The following COG2 variants were observed in gnomAD, a reference collection of about 807,000 sequenced individuals.
COG2 encodes the protein conserved oligomeric Golgi complex subunit 2.
COG2 carries 52 observed loss-of-function variants against 90.6 expected under a neutral mutation model. That is an observed-to-expected ratio of 0.57 (90% CI 0.46 to 0.72). COG2 has a LOEUF of 0.72. Ranked by LOEUF, COG2 falls within the 30% of genes least tolerant of loss-of-function variation. The pLI, the probability that COG2 is intolerant of heterozygous loss-of-function variation, is 0.00. For missense variants in COG2, 829 were observed against 891.2 expected, an observed-to-expected ratio of 0.93 and a Z score of 0.89; for synonymous variants, 337 against 320.4, an observed-to-expected ratio of 1.05 and a Z score of -0.55.
chr1:230,664,516 G>A lies in COG2; in HGVS notation c.414G>A (p.Arg138=), dbSNP rs777740281. 3 of 1,569,544 alleles carry A rather than the reference G, an allele frequency of 1.9e-6. No individual in the cohort carries two copies. The South Asian group carries it at 3.5e-5, about 18-fold the overall frequency. ...MCVLRLIQVI[R]SVEKIEKILN... ...TATTGAGGCTTATACAAGTTATTCG[G>A]TCAGTTGAGAAAATTGAAAAAATCT... The change falls in exon 5 of 18, where the codon CGG becomes CGA. Residue 138 remains arginine, a synonymous_variant. Transcript: ENST00000366669.
intron 15 of COG2, among the ~76,000 whole-genome samples, chr1:230,689,126 T>C (rs887763163): frequency 6.6e-6 from 1 of 151,986 alleles, no homozygotes; most frequent in Non-Finnish European, 1.5e-5. Context: ...AACCTAGGAG[T>C]TTGAGACCAG....
At chr1:230,670,721 G>C (rs149586920) in intron 7 of COG2, 1 of 152,052 alleles carries the variant, frequency 6.6e-6, no homozygotes, top group Non-Finnish European at 1.5e-5. Context: ...GGCTCAAGCA[G>C]TCCTCCTACC....
At position 230,665,187 on chromosome 1, in the gene COG2, A is replaced by G. The variant is rs558097430; in HGVS notation, c.485+600A>G. On this transcript the variant is annotated intron_variant, in intron 5 of 17. Transcript: ENST00000366669. Reference sequence around the variant, plus strand: ...ATTATGAACATTAATGGGAAACTCCATGGTGCAGTGGAAAGAGCATGGGCT... The same window carrying G: ...ATTATGAACATTAATGGGAAACTCCGTGGTGCAGTGGAAAGAGCATGGGCT... 5.3e-5 allele frequency among the ~76,000 whole-genome samples: 8 copies of G among 152,332 alleles called. No homozygotes were observed. In the East Asian group the frequency reaches 1.2e-3, roughly 22 times the overall value.
chr1:230,642,800 G>A, intron 1 of COG2, 122 bp downstream of exon 1: 5 of 903,926 alleles, frequency 5.5e-6, no homozygotes, highest in Middle Eastern at 2.4e-4. Context: ...GTCCTCCGCC[G>A]AGACCTCGCT....
intron 7 of COG2, 150 bp from the exon 8 acceptor site, chr1:230,671,366 T>C (rs1389616758): frequency 3.3e-6 from 2 of 609,838 alleles, no homozygotes. Flanking sequence ...TGACCTGTTA[T>C]TTACTTCACT....
chr1:230,690,787 A>G (rs765279928), intron 16 of COG2, among the ~76,000 whole-genome samples: 1 of 152,244 alleles, frequency 6.6e-6, no homozygotes, highest in Non-Finnish European at 1.5e-5. Flanking sequence ...AATTTAGAAC[A>G]TAACAATGAT....
At chr1:230,660,729 G>A (rs1381584887) in intron 2 of COG2, 29 bp from the exon 3 acceptor site, 6 of 1,532,368 alleles carry the variant, frequency 3.9e-6, no homozygotes, top group East Asian at 2.4e-5. Context: ...ATTGTGAGGT[G>A]TGTGTGCCAA....
chr1:230,652,613 C>G (rs1661939956), intron 1 of COG2, among the ~76,000 whole-genome samples: 1 of 152,170 alleles, frequency 6.6e-6, no homozygotes, highest in Non-Finnish European at 1.5e-5. Flanking sequence ...AAGAAACTGC[C>G]AAGCTGTCTT....
At chr1:230,672,312 C>A (rs1294642376) in intron 8 of COG2, among the ~76,000 whole-genome samples, 2 of 152,216 alleles carry the variant, frequency 1.3e-5, no homozygotes, top group Non-Finnish European at 2.9e-5. Context: ...CGAAGCAGGG[C>A]ATGAGGCCCT....
chr1:230,674,896 A>G, intron 8 of COG2, 102 bp from the exon 9 acceptor site: 2 of 874,930 alleles, frequency 2.3e-6, no homozygotes, highest in Non-Finnish European at 3.3e-6. Flanking sequence ...AGTTGAAATA[A>G]GTTTTAGACT....
At chr1:230,683,915 G>A (rs1662821403) in intron 11 of COG2, among the ~76,000 whole-genome samples, 3 of 151,762 alleles carry the variant, frequency 2.0e-5, no homozygotes, top group East Asian at 3.9e-4. Flanking sequence ...GCTTAGCCTC[G>A]AAAGTAGCTG....
Position 230,642,581 on chromosome 1 carries a change from G to A in COG2, c.-26G>A. On this transcript the variant is annotated 5_prime_UTR_variant, in exon 1 of 18. An upstream open reading frame in the 5' UTR gains an earlier in-frame stop. Transcript: ENST00000366669. ...TCCTGCGTTTTCTCGCTTGGATCTT[G>A]GCACTGAGAGGCGGTGGCCGGCGGG... is the stretch of plus-strand genomic sequence containing the variant. 6.2e-6 allele frequency: 10 copies of A among 1,605,352 alleles called. No homozygotes were observed. Among genetic ancestry groups the A allele is most frequent in the Non-Finnish European group, 7.7e-6 (9 of 1,175,804 alleles).
intron 3 of COG2, 31 bp from the exon 4 acceptor site, chr1:230,663,110 C>A: frequency 6.5e-7 from 1 of 1,535,070 alleles, no homozygotes; most frequent in Non-Finnish European, 8.9e-7. Flanking sequence ...AAAACAATCT[C>A]TGCAGTACTT....
chr1:230,685,413 G>A (rs887902617), intron 12 of COG2, among the ~76,000 whole-genome samples, 177 bp downstream of exon 12: 10 of 152,026 alleles, frequency 6.6e-5, no homozygotes, highest in African/African-American at 1.9e-4. Flanking sequence ...TTACTCCTGC[G>A]AGCATTGCAT....
At chr1:230,655,804 A>C (rs1025676724) in intron 1 of COG2, among the ~76,000 whole-genome samples, 1 of 152,192 alleles carries the variant, frequency 6.6e-6, no homozygotes, top group African/African-American at 2.4e-5. Flanking sequence ...CAGGGATTCA[A>C]CTTCTTCCAG....
At chr1:230,674,675 T>C (rs1173627312) in intron 8 of COG2, among the ~76,000 whole-genome samples, 3 of 152,188 alleles carry the variant, frequency 2.0e-5, no homozygotes, top group Non-Finnish European at 2.9e-5. Flanking sequence ...GTACTTTTTG[T>C]TTCCAAGATA....
At chr1:230,647,163 G>A (rs1661808332) in intron 1 of COG2, among the ~76,000 whole-genome samples, 1 of 152,150 alleles carries the variant, frequency 6.6e-6, no homozygotes, top group Non-Finnish European at 1.5e-5. Context: ...ACACTTGGAA[G>A]TATTCCAGAG....
intron 1 of COG2, among the ~76,000 whole-genome samples, chr1:230,646,820 C>T (rs548097530): frequency 2.0e-5 from 3 of 152,158 alleles, no homozygotes; most frequent in African/African-American, 7.2e-5. Flanking sequence ...AGGAGTCATC[C>T]TTGATAACAC....
intron 17 of COG2, among the ~76,000 whole-genome samples, chr1:230,692,820 G>A (rs75155551): frequency 6.2e-4 from 94 of 151,876 alleles, no homozygotes; most frequent in African/African-American, 2.1e-3. Flanking sequence ...AAGTGGGAAC[G>A]TAGTGTGCCA....
Sources: allele counts gnomAD v4.1 joint callset (sites outside exome capture counted in the v4.1 genomes callset), GRCh38; gene constraint gnomAD v4.1.1; transcripts MANE v1.5; gene names NCBI Gene and HGNC (gene_info 2026-07-23, HGNC 2026-07-21).